Variants in BCL11B observed in about 807,000 individuals in gnomAD.
The protein encoded by BCL11B is B-cell lymphoma/leukemia 11B.
A neutral mutation model predicts 49.9 loss-of-function variants in BCL11B; 8 were observed. That is an observed-to-expected ratio of 0.16 (90% CI 0.09 to 0.29). The LOEUF is 0.29. Ranked by LOEUF, BCL11B falls within the 10% of genes least tolerant of loss-of-function variation. The pLI, the probability that BCL11B is intolerant of heterozygous loss-of-function variation, is 1.00. For synonymous variants in BCL11B, 739 were observed against 637.4 expected, an observed-to-expected ratio of 1.16 and a Z score of -2.40; for missense variants, 1,006 against 1,351.0, an observed-to-expected ratio of 0.74 and a Z score of 4.00.
chr14:99,218,337 C>T (rs1267906964), intron 3 of BCL11B, among the ~76,000 whole-genome samples: 1 of 151,186 alleles, frequency 6.6e-6, no homozygotes, highest in Non-Finnish European at 1.5e-5. Context: ...GCCTCGGCCT[C>T]CCAAAGTGCT....
chr14:99,176,252 C>T (rs1886525823), intron 3 of BCL11B, 57 bp from the exon 4 acceptor site: 7 of 1,524,554 alleles, frequency 4.6e-6, no homozygotes, highest in Non-Finnish European at 6.2e-6. Flanking sequence ...CAGCGGGGCG[C>T]GGGCACCGCA....
At chr14:99,181,374 G>T (rs1389777674) in intron 3 of BCL11B, among the ~76,000 whole-genome samples, 3 of 152,208 alleles carry the variant, frequency 2.0e-5, no homozygotes, top group Non-Finnish European at 4.4e-5. Flanking sequence ...GGGGCCAGGG[G>T]AAAACTGCAT....
At chr14:99,179,473 TAAAAAAAAAAAAA>T (rs35703913) in intron 3 of BCL11B, among the ~76,000 whole-genome samples, 1 of 54,546 alleles carries the variant, frequency 1.8e-5, no homozygotes, top group Non-Finnish European at 3.3e-5. Context: ...GAATCCATCT[TAAAAAAAAAAAAA>T]AAAAAAAAAA....
At chr14:99,270,774 G>T (rs1376947521) in intron 1 of BCL11B, among the ~76,000 whole-genome samples, 2 of 23,424 alleles carry the variant, frequency 8.5e-5, no homozygotes, top group African/African-American at 1.6e-4. Context: ...CGCTCCCCCA[G>T]CCCCCTCCCC....
rs184724032 is a variant in BCL11B at position 99,243,409 on chromosome 14, C to T, written c.428-11852G>A. Among the ~76,000 whole-genome samples, 460 of 152,310 alleles carry T rather than the reference C, an allele frequency of 3.0e-3. 3 individuals are homozygous for T. The highest frequency in any genetic ancestry group is 3.3e-3 in the Non-Finnish European group (222 of 68,022). On this transcript the variant is annotated intron_variant, in intron 2 of 3. Coordinates refer to ENST00000357195, the MANE Select transcript of BCL11B (RefSeq NM_138576.4). ...CCTTTTGCAAATTAGTCACCCTGCC[C>T]CCACGGACTGAACAATAACAGTTCT...
In BCL11B at chr14:99,173,598, CTTT is replaced by C. The variant is rs1002741881; in HGVS notation, c.*550_*552del. 5.0e-6 allele frequency: 1 copy of C among 200,876 alleles called. No individual in the cohort carries two copies. The highest frequency in any genetic ancestry group is 2.4e-5 in the African/African-American group (1 of 41,208). 12.4% of individuals were successfully genotyped at this position (200,876 alleles called of 1,614,324 possible). Reference sequence around the variant, plus strand: ...TAATTAAAAAAAAAACTGCATGCCACTTTTTATTTCAGGACAAAAAAAAGGAAG... The same window carrying C: ...TAATTAAAAAAAAAACTGCATGCCACTTATTTCAGGACAAAAAAAAGGAAG... On this transcript the variant is annotated 3_prime_UTR_variant, in exon 4 of 4. Transcript: ENST00000357195.
intron 3 of BCL11B, among the ~76,000 whole-genome samples, chr14:99,229,476 A>C (rs1431156201): frequency 6.6e-6 from 1 of 152,140 alleles, no homozygotes; most frequent in African/African-American, 2.4e-5. Flanking sequence ...AACCAAGGAC[A>C]AATCCCAGTT....
rs34988198 is a variant in BCL11B, at chr14:99,222,836, C to CCTTTCTTTCTTTCTTT, written c.640+8493_640+8508dup. ...CCCAGCCCTTTAATTTCTTTATTTC[C>CCTTTCTTTCTTTCTTT]CTTTCTTTCTTTCTTTCTTTCTTTC... On this transcript the variant is annotated intron_variant, in intron 3 of 3. Transcript: ENST00000357195. Among the ~76,000 whole-genome samples, 315 of 151,414 alleles carry CCTTTCTTTCTTTCTTT rather than the reference C, an allele frequency of 2.1e-3. 1 individual carries two copies. The highest frequency in any genetic ancestry group is 7.0e-3 in the African/African-American group (289 of 41,134).
chr14:99,201,908 A>T (rs1250693330), intron 3 of BCL11B, among the ~76,000 whole-genome samples: 1 of 152,168 alleles, frequency 6.6e-6, no homozygotes, highest in Non-Finnish European at 1.5e-5. Context: ...GGTGACCAGA[A>T]CAATGCCAGG....
intron 3 of BCL11B, among the ~76,000 whole-genome samples, chr14:99,210,408 C>G (rs1386154128): frequency 6.6e-6 from 1 of 152,130 alleles, no homozygotes; most frequent in African/African-American, 2.4e-5. Context: ...CTTTCTCAGC[C>G]CACAGTAAAC....
At chr14:99,239,853 A>G (rs1292381235) in intron 2 of BCL11B, among the ~76,000 whole-genome samples, 5 of 152,222 alleles carry the variant, frequency 3.3e-5, no homozygotes, top group African/African-American at 1.2e-4. Context: ...TGGAATAAAC[A>G]GAAGGAGGAA....
At chr14:99,263,730 G>C (rs1889403584) in intron 1 of BCL11B, among the ~76,000 whole-genome samples, 1 of 151,936 alleles carries the variant, frequency 6.6e-6, no homozygotes, top group Non-Finnish European at 1.5e-5. Context: ...CAAAAACTGA[G>C]CCCAGGAGTC....
At chr14:99,183,085 C>T (rs191660377) in intron 3 of BCL11B, among the ~76,000 whole-genome samples, 38 of 152,110 alleles carry the variant, frequency 2.5e-4, no homozygotes, top group African/African-American at 8.9e-4. Flanking sequence ...CCCCAGTAAC[C>T]ACTCCATTAT....
chr14:99,209,080 G>C (rs1300525191), intron 3 of BCL11B, among the ~76,000 whole-genome samples: 1 of 152,156 alleles, frequency 6.6e-6, no homozygotes, highest in African/African-American at 2.4e-5. Context: ...GATAGAGAAG[G>C]GCTACAGTCT....
chr14:99,187,662 C>CA (rs11385017), intron 3 of BCL11B, among the ~76,000 whole-genome samples: 105,093 of 136,092 alleles, frequency 0.77, 40,428 homozygotes, highest in African/African-American at 0.85. Flanking sequence ...GATAAACAGG[C>CA]AAAAAAAAAA....
chr14:99,262,341 C>T lies in BCL11B; in HGVS notation c.59-4502G>A, dbSNP rs1248580676. 2.0e-5 allele frequency among the ~76,000 whole-genome samples: 3 copies of T among 152,256 alleles called. No homozygotes were observed. The highest frequency in any genetic ancestry group is 6.5e-5 in the Admixed American group (1 of 15,284). On this transcript the variant is annotated intron_variant, in intron 1 of 3. Transcript: ENST00000357195. The surrounding 1 kb of genome is among the most constrained non-coding windows in gnomAD (Gnocchi z 4.2). ...ATGTGCGTGGCTGCCTGCACACACA[C>T]ATGTGCATTGCTACATACACAGTAC...
intron 3 of BCL11B, among the ~76,000 whole-genome samples, chr14:99,199,665 T>C (rs1423538113): frequency 1.2e-5 from 1 of 83,558 alleles, no homozygotes; most frequent in African/African-American, 4.8e-5. Flanking sequence ...TGTGTGTGTG[T>C]GTGTGTGTGT....
chr14:99,264,078 G>T (rs1328710899), intron 1 of BCL11B: 1 of 152,186 alleles, frequency 6.6e-6, no homozygotes, highest in Non-Finnish European at 1.5e-5. Context: ...TGATAAAAAA[G>T]CACTCTTTGT....
At chr14:99,266,974 A>G (rs889143249) in intron 1 of BCL11B, among the ~76,000 whole-genome samples, 30 of 152,212 alleles carry the variant, frequency 2.0e-4, no homozygotes, top group African/African-American at 7.0e-4. Flanking sequence ...TGGTATCTGT[A>G]AACGACTGTT....
Sources: allele counts gnomAD v4.1 joint callset (sites outside exome capture counted in the v4.1 genomes callset), GRCh38; gene constraint gnomAD v4.1.1; non-coding constraint Gnocchi (gnomAD v3.1); transcripts MANE v1.5; gene names NCBI Gene and HGNC (gene_info 2026-07-23, HGNC 2026-07-21).